MAP3K20: variants seen among roughly 807,000 people sequenced by gnomAD.
MAP3K20 encodes the protein mitogen-activated protein kinase kinase kinase 20.
MAP3K20 carries 40 observed loss-of-function variants against 85.7 expected under a neutral mutation model. That is an observed-to-expected ratio of 0.47 (90% CI 0.36 to 0.61). The LOEUF is 0.61. Among genes scored for constraint, MAP3K20 ranks in the 20% least tolerant of loss-of-function variants. The probability of loss-of-function intolerance (pLI) is 0.00; values close to 1 mark genes in which losing one functional copy is unlikely to be tolerated. For synonymous variants in MAP3K20, 325 were observed against 327.7 expected, an observed-to-expected ratio of 0.99 and a Z score of 0.09; for missense variants, 817 against 961.7, an observed-to-expected ratio of 0.85 and a Z score of 1.99.
chr2:173,163,985 G>C (rs1489337537), intron 2 of MAP3K20, among the ~76,000 whole-genome samples: 2 of 151,054 alleles, frequency 1.3e-5, no homozygotes, highest in African/African-American at 2.4e-5. Flanking sequence ...TTCTGAGACG[G>C]AGTCTAGCTC....
At chr2:173,118,720 TTAG>T (rs1688194268) in intron 2 of MAP3K20, among the ~76,000 whole-genome samples, 1 of 152,244 alleles carries the variant, frequency 6.6e-6, no homozygotes, top group African/African-American at 2.4e-5. Context: ...AACTTGGAAG[TTAG>T]TAATAATCAT....
At chr2:173,221,631 G>GCACTGCATTTTTAGGCCAAT (rs1182198153) in intron 11 of MAP3K20, 7 of 1,346,954 alleles carry the variant, frequency 5.2e-6, no homozygotes, top group Non-Finnish European at 6.7e-6. Flanking sequence ...AGAAAGCCAA[G>GCACTGCATTTTTAGGCCAAT]CACTGCATTT....
At chr2:173,192,762 C>A (rs1040705253) in intron 7 of MAP3K20, among the ~76,000 whole-genome samples, 1 of 152,094 alleles carries the variant, frequency 6.6e-6, no homozygotes, top group African/African-American at 2.4e-5. Context: ...AAAGTGCATT[C>A]CTTCATTTAT....
At chr2:173,086,342 T>C (rs1049820014) in intron 1 of MAP3K20, among the ~76,000 whole-genome samples, 1 of 152,148 alleles carries the variant, frequency 6.6e-6, no homozygotes, top group East Asian at 1.9e-4. Flanking sequence ...AAAATGATTC[T>C]TAAAGGAGAG....
chr2:173,186,155 C>T (rs954112107), intron 4 of MAP3K20, among the ~76,000 whole-genome samples: 6 of 152,052 alleles, frequency 3.9e-5, no homozygotes, highest in Non-Finnish European at 7.4e-5. Flanking sequence ...ATATTTAAAG[C>T]TTTTGTATTT....
At chr2:173,173,155 T>C (rs1234412434) in intron 3 of MAP3K20, among the ~76,000 whole-genome samples, 2 of 12,506 alleles carry the variant, frequency 1.6e-4, no homozygotes, top group Non-Finnish European at 2.8e-4. Flanking sequence ...CTTTTATTTC[T>C]GTGTGTGTGT....
chr2:173,110,250 T>G (rs1687930646), intron 2 of MAP3K20, among the ~76,000 whole-genome samples: 1 of 73,706 alleles, frequency 1.4e-5, no homozygotes, highest in African/African-American at 5.5e-5. Context: ...TATTTTTTTT[T>G]TTTTTTTTTT....
intron 1 of MAP3K20, among the ~76,000 whole-genome samples, chr2:173,080,411 T>A (rs1686982176): frequency 6.6e-6 from 1 of 152,162 alleles, no homozygotes; most frequent in Non-Finnish European, 1.5e-5. Context: ...ACAAGGGTAA[T>A]TTATTTGGCT....
chr2:173,134,355 T>C, intron 2 of MAP3K20, among the ~76,000 whole-genome samples: 1 of 126,308 alleles, frequency 7.9e-6, no homozygotes, highest in African/African-American at 3.0e-5. Context: ...ATGCCACCAC[T>C]CCTGGCTAAA....
At chr2:173,242,421 G>A (rs1264518748) in intron 16 of MAP3K20, among the ~76,000 whole-genome samples, 1 of 151,856 alleles carries the variant, frequency 6.6e-6, no homozygotes, top group African/African-American at 2.4e-5. Flanking sequence ...CGCCCACCTC[G>A]GCCTCCCAAA....
rs577800526 is a variant in MAP3K20, at chr2:173,177,304, A to C, written c.248-5550A>C. 2.6e-3 allele frequency among the ~76,000 whole-genome samples: 390 copies of C among 152,338 alleles called. 6 individuals carry two copies. The highest frequency in any genetic ancestry group is 3.5e-3 in the Non-Finnish European group (241 of 68,038). On this transcript the variant is annotated intron_variant, in intron 3 of 19. Coordinates refer to ENST00000375213, the MANE Select transcript of MAP3K20 (RefSeq NM_016653.3). ...TCTCAGTTCATCTAAGAGGACTGAT[A>C]CCATACAATGTGTTTTCTAATCACA...
intron 2 of MAP3K20, among the ~76,000 whole-genome samples, chr2:173,166,227 T>C (rs1045743521): frequency 3.3e-5 from 5 of 152,220 alleles, no homozygotes; most frequent in Non-Finnish European, 7.3e-5. Flanking sequence ...TAGCGTAATA[T>C]TTTCAAGGCC....
intron 2 of MAP3K20, among the ~76,000 whole-genome samples, chr2:173,120,314 T>C (rs76570881): frequency 6.6e-6 from 1 of 152,128 alleles, no homozygotes; most frequent in Non-Finnish European, 1.5e-5. Context: ...CTGCCTTTTA[T>C]TGATTGTCAT....
chr2:173,247,652 G>A (rs1558908525), intron 16 of MAP3K20, among the ~76,000 whole-genome samples: 1 of 152,066 alleles, frequency 6.6e-6, no homozygotes. Context: ...ATTAACAGCA[G>A]GTTGTTATAT....
chr2:173,255,781 G>C (rs1685144021), intron 16 of MAP3K20, among the ~76,000 whole-genome samples: 1 of 152,156 alleles, frequency 6.6e-6, no homozygotes. Flanking sequence ...AAACTTGACA[G>C]GCAAAAGAAA....
At chr2:173,221,679 C>T in intron 11 of MAP3K20, 1 of 1,332,094 alleles carries the variant, frequency 7.5e-7, no homozygotes, top group Non-Finnish European at 9.6e-7. Context: ...AATTTCTTAT[C>T]AATTCTACTT....
At chr2:173,260,054 CA>C (rs1685252076) in intron 17 of MAP3K20, among the ~76,000 whole-genome samples, 1 of 152,096 alleles carries the variant, frequency 6.6e-6, no homozygotes, top group East Asian at 1.9e-4. Context: ...TTAAAACAAA[CA>C]AACGACAGCA....
chr2:173,208,865 A>G (rs1249313518), intron 9 of MAP3K20, among the ~76,000 whole-genome samples: 1 of 152,190 alleles, frequency 6.6e-6, no homozygotes, highest in Non-Finnish European at 1.5e-5. Flanking sequence ...CCTTTTTATT[A>G]TCTTTCTCTT....
intron 7 of MAP3K20, among the ~76,000 whole-genome samples, chr2:173,194,322 A>G (rs1318798703): frequency 6.6e-6 from 1 of 152,012 alleles, no homozygotes; most frequent in Admixed American, 6.6e-5. Flanking sequence ...TTTTGCACCA[A>G]CCTAATATTT....
Sources: allele counts gnomAD v4.1 joint callset (sites outside exome capture counted in the v4.1 genomes callset), GRCh38; gene constraint gnomAD v4.1.1; transcripts MANE v1.5; gene names NCBI Gene and HGNC (gene_info 2026-07-23, HGNC 2026-07-21).